GALNT14: variants seen among roughly 807,000 people sequenced by gnomAD.
GALNT14 encodes the protein polypeptide N-acetylgalactosaminyltransferase 14.
In GALNT14, 60 loss-of-function variants were observed where a neutral mutation model predicts 77.5. The ratio of observed to expected loss-of-function variants is 0.77; its 90% CI spans 0.63 to 0.96. The LOEUF (loss-of-function observed/expected upper bound fraction) is 0.96. Ranked by LOEUF, GALNT14 falls within the 40% of genes least tolerant of loss-of-function variation. The pLI is 0.00. For missense variants in GALNT14, 710 were observed against 731.0 expected (o/e 0.97, Z 0.33); for synonymous variants, 280 against 281.7 (o/e 0.99, Z 0.06).
At chr2:31,022,587 G>A (rs1435334363) in intron 1 of GALNT14, among the ~76,000 whole-genome samples, 1 of 152,208 alleles carries the variant, frequency 6.6e-6, no homozygotes, top group Non-Finnish European at 1.5e-5. Context: ...ATGTGTATGT[G>A]GAGCTAAGGG....
chr2:30,924,919 C>T lies in GALNT14; in HGVS notation c.1152-96G>A, dbSNP rs77410312. The stretch of plus-strand genomic sequence containing the variant: ...CAGTCCAGACTGAGAACACAAAGCG[C>T]GACCCATGCCCATGCTCTGTGCTCA... On this transcript the variant is annotated intron_variant, in intron 11 of 14. Transcript: ENST00000349752. The T allele has an allele frequency of 7.5e-3, 6,714 of 890,590 alleles. 298 individuals carry two copies. The African/African-American group carries it at 0.097, about 13-fold the overall frequency. 55.2% of individuals were successfully genotyped at this position (890,590 alleles called of 1,614,324 possible).
chr2:30,986,254 G>A (rs1031466398), intron 2 of GALNT14, among the ~76,000 whole-genome samples: 8 of 152,344 alleles, frequency 5.3e-5, no homozygotes, highest in African/African-American at 1.9e-4. Flanking sequence ...GACCCAATGA[G>A]GCTTCCCCGG....
intron 1 of GALNT14, among the ~76,000 whole-genome samples, chr2:31,011,146 C>G (rs1200076935): frequency 6.6e-6 from 1 of 152,214 alleles, no homozygotes; most frequent in Non-Finnish European, 1.5e-5. Context: ...TCTCTGTGAC[C>G]TTGGGAAGTG....
At chr2:30,983,394 C>A (rs1230536366) in intron 2 of GALNT14, among the ~76,000 whole-genome samples, 5 of 152,132 alleles carry the variant, frequency 3.3e-5, no homozygotes, top group Non-Finnish European at 7.3e-5. Context: ...TTATTCCTGG[C>A]AAATATTTAA....
intron 13 of GALNT14, among the ~76,000 whole-genome samples, chr2:30,922,801 C>G (rs1310614269): frequency 6.6e-6 from 1 of 152,234 alleles, no homozygotes; most frequent in Non-Finnish European, 1.5e-5. Flanking sequence ...GGCCTGCAAC[C>G]TAGTCTTTCA....
chr2:31,135,472 G>C (rs1210330635), intron 1 of GALNT14, among the ~76,000 whole-genome samples: 1 of 151,744 alleles, frequency 6.6e-6, no homozygotes, highest in East Asian at 1.9e-4. Context: ...CTAAGATACA[G>C]AGCGACATAC....
intron 1 of GALNT14, among the ~76,000 whole-genome samples, chr2:31,031,060 AAT>A (rs1672379031): frequency 6.6e-6 from 1 of 152,204 alleles, no homozygotes; most frequent in Non-Finnish European, 1.5e-5. Context: ...GTACAATTCG[AAT>A]ATGAGAATCG....
At chr2:31,103,259 C>T (rs1166608367) in intron 1 of GALNT14, among the ~76,000 whole-genome samples, 1 of 151,976 alleles carries the variant, frequency 6.6e-6, no homozygotes, top group African/African-American at 2.4e-5. Flanking sequence ...TGGTAACATT[C>T]GTAATTACAA....
At chr2:30,909,039 A>T (rs1029887872), downstream of GALNT14, among the ~76,000 whole-genome samples, 11 of 152,152 alleles carry the variant, frequency 7.2e-5, no homozygotes, top group African/African-American at 2.4e-4. Flanking sequence ...CCTTCCTTAC[A>T]CCTTATACAA....
At chr2:31,108,483 G>C (rs1677673172) in intron 1 of GALNT14, among the ~76,000 whole-genome samples, 1 of 152,120 alleles carries the variant, frequency 6.6e-6, no homozygotes, top group Non-Finnish European at 1.5e-5. Context: ...AACATCTCTA[G>C]CTGACTTAAA....
chr2:31,015,169 G>A (rs1209749609), intron 1 of GALNT14, among the ~76,000 whole-genome samples: 2 of 152,054 alleles, frequency 1.3e-5, no homozygotes, highest in African/African-American at 2.4e-5. Context: ...GTGCACTCCT[G>A]TAATCCCAGC....
In GALNT14 at chr2:31,136,083, G is replaced by A. The variant is rs530475513; in HGVS notation, c.129+1875C>T. On this transcript the variant is annotated intron_variant, in intron 1 of 14. Transcript: ENST00000349752. ...CATCACAGGGAGCAGAACCACCTAG[G>A]GAAAAAGAAGAAAAGCTCTCCAGAT... Among the ~76,000 whole-genome samples, 225 of 152,030 alleles carry A rather than the reference G, an allele frequency of 1.5e-3. 1 individual carries two copies. Among genetic ancestry groups the A allele is most frequent in the Non-Finnish European group, 2.0e-3 (138 of 68,004 alleles).
intron 13 of GALNT14, among the ~76,000 whole-genome samples, chr2:30,921,422 C>T (rs186767489): frequency 7.2e-5 from 11 of 152,344 alleles, no homozygotes; most frequent in African/African-American, 2.6e-4. Context: ...ATGTCATTCT[C>T]ATCCAGGCAG....
intron 1 of GALNT14, among the ~76,000 whole-genome samples, chr2:31,085,304 G>C (rs958572217): frequency 1.3e-5 from 2 of 152,182 alleles, no homozygotes; most frequent in African/African-American, 4.8e-5. Context: ...CAGGGACATC[G>C]GGGTACCCCA....
intron 2 of GALNT14, among the ~76,000 whole-genome samples, chr2:30,989,583 A>ATATATATAAATATATATAT (rs56703340): frequency 1.1e-5 from 1 of 91,878 alleles, no homozygotes; most frequent in East Asian, 3.1e-4. Context: ...TATATATATA[A>ATATATATAAATATATATAT]AAATATATAT....
chr2:30,979,205 C>T (rs1165359655), intron 2 of GALNT14, among the ~76,000 whole-genome samples: 1 of 152,158 alleles, frequency 6.6e-6, no homozygotes, highest in Admixed American at 6.5e-5. Context: ...CCGCAGTCAC[C>T]CAGACGAGAG....
intron 1 of GALNT14, among the ~76,000 whole-genome samples, chr2:30,994,096 A>G (rs1669878661): frequency 6.6e-6 from 1 of 152,162 alleles, no homozygotes; most frequent in Admixed American, 6.5e-5. Context: ...CATAAAACAT[A>G]AGACTCTGTG....
intron 1 of GALNT14, among the ~76,000 whole-genome samples, chr2:31,137,473 G>A (rs1679274906): frequency 6.6e-6 from 1 of 152,190 alleles, no homozygotes; most frequent in African/African-American, 2.4e-5. Context: ...GAGGCTGCAA[G>A]GCGCTCGCCC....
chr2:30,887,093 G>A, the GALNT14 span, among the ~76,000 whole-genome samples: 2 of 152,158 alleles, frequency 1.3e-5, no homozygotes, highest in Non-Finnish European at 2.9e-5. Context: ...TTCATTTTAT[G>A]TATACACCAC....
Sources: allele counts gnomAD v4.1 joint callset (sites outside exome capture counted in the v4.1 genomes callset), GRCh38; gene constraint gnomAD v4.1.1; transcripts MANE v1.5; gene names NCBI Gene and HGNC (gene_info 2026-07-23, HGNC 2026-07-21).